The following ADARB1 variants were observed in gnomAD, a reference collection of about 807,000 sequenced individuals.
ADARB1 encodes the protein adenosine deaminase RNA specific B1.
Under a neutral mutation model 52.4 loss-of-function variants are expected in ADARB1, and 10 were observed. The ratio of observed to expected loss-of-function variants is 0.19; its 90% CI spans 0.12 to 0.32. The LOEUF (loss-of-function observed/expected upper bound fraction) is 0.32, where lower values mean the gene tolerates loss of function less well. Among genes scored for constraint, ADARB1 ranks in the 10% least tolerant of loss-of-function variants. The probability of loss-of-function intolerance (pLI) is 1.00; values close to 1 mark genes in which losing one functional copy is unlikely to be tolerated. For missense variants in ADARB1, 643 were observed against 922.3 expected, an observed-to-expected ratio of 0.70 and a Z score of 3.92; for synonymous variants, 349 against 371.1, an observed-to-expected ratio of 0.94 and a Z score of 0.68.
chr21:45,083,137 C>T (rs550820371), intron 1 of ADARB1, among the ~76,000 whole-genome samples: 1 of 152,350 alleles, frequency 6.6e-6, no homozygotes, highest in East Asian at 1.9e-4. Context: ...GGCTATTGCT[C>T]TGAATCTGTC....
At chr21:45,141,198 A>C (rs904189075) in intron 2 of ADARB1, among the ~76,000 whole-genome samples, 1 of 152,236 alleles carries the variant, frequency 6.6e-6, no homozygotes, top group African/African-American at 2.4e-5. Context: ...CCTGTCTCAA[A>C]AAAAAAAGTT....
chr21:45,126,332 T>C (rs2088576616), intron 1 of ADARB1, among the ~76,000 whole-genome samples: 1 of 152,150 alleles, frequency 6.6e-6, no homozygotes, highest in Admixed American at 6.5e-5. Flanking sequence ...ATGCAGCTTG[T>C]TAATTGTGTT....
At position 45,225,876 on chromosome 21, in the gene ADARB1, G is replaced by A. The variant is rs1048425493; in HGVS notation, c.*3679G>A. 2 of 283,074 alleles carry A rather than the reference G, an allele frequency of 7.1e-6. No individual in the cohort carries two copies. The highest frequency in any genetic ancestry group is 3.3e-4 in the South Asian group (2 of 5,996). The allele number at this position is 283,074 out of a possible 1,614,324, so 17.5% of individuals were successfully genotyped here. A position where few individuals can be genotyped will look rare whatever the true frequency, so the allele number is the denominator to read the frequency against. On this transcript the variant is annotated 3_prime_UTR_variant, in exon 11 of 11. Transcript: ENST00000348831. The stretch of plus-strand genomic sequence containing the variant: ...CAGTTTACAGCGTCTCTGCCCCCTA[G>A]CGTGTTTTGTGACAATCTCCCTGGG...
intron 2 of ADARB1, among the ~76,000 whole-genome samples, chr21:45,164,822 C>T (rs998359321): frequency 6.6e-6 from 1 of 152,068 alleles, no homozygotes; most frequent in African/African-American, 2.4e-5. Flanking sequence ...GTAACAGCAG[C>T]GCAGAAGCAG....
intron 2 of ADARB1, among the ~76,000 whole-genome samples, chr21:45,151,360 G>GT (rs2145949180): frequency 6.6e-6 from 1 of 152,354 alleles, no homozygotes; most frequent in East Asian, 1.9e-4. Context: ...TAGGTGCCAT[G>GT]TGCAGTTGTC....
chr21:45,152,907 A>G (rs1403643643), intron 2 of ADARB1, among the ~76,000 whole-genome samples: 1 of 152,218 alleles, frequency 6.6e-6, no homozygotes, highest in East Asian at 1.9e-4. Flanking sequence ...AGATTCAAAA[A>G]CATGTCTGTA....
rs912345003 is a variant in ADARB1 at position 45,204,875 on chromosome 21, G to T, written c.1747+139G>T. On this transcript the variant is annotated intron_variant, in intron 9 of 10. Coordinates refer to ENST00000348831, the MANE Select transcript of ADARB1 (RefSeq NM_001112.4). This position sits in a 1 kb window ranked among gnomAD's most constrained non-coding sequence, Gnocchi z 4.4. The stretch of plus-strand genomic sequence containing the variant: ...CAGAGTCCTTCTAAAGAGACCCAAG[G>T]TGATGTTTCTGAGGCTCTCCGGGCC... The T allele has an allele frequency of 8.5e-6, 8 of 939,306 alleles. No homozygotes were observed. In the East Asian group the frequency reaches 1.9e-4, roughly 22 times the overall value. The allele number at this position is 939,306 out of a possible 1,614,324, so 58.2% of individuals were successfully genotyped here.
chr21:45,113,497 A>ATGTGTGTG (rs35666010), intron 1 of ADARB1, among the ~76,000 whole-genome samples: 5 of 146,394 alleles, frequency 3.4e-5, no homozygotes, highest in African/African-American at 1.3e-4. Flanking sequence ...GTGTGTATAT[A>ATGTGTGTG]TGTGTGTGTG....
chr21:45,097,718 G>A (rs1192210072), intron 1 of ADARB1, among the ~76,000 whole-genome samples: 2 of 152,258 alleles, frequency 1.3e-5, no homozygotes, highest in East Asian at 1.9e-4. Context: ...GGGTAGACTA[G>A]CAGGTCTGTT....
chr21:45,191,144 A>G (rs73232680), intron 8 of ADARB1, among the ~76,000 whole-genome samples: 11,722 of 152,192 alleles, frequency 0.077, 622 homozygotes, highest in Non-Finnish European at 0.11. Context: ...CGTAGTCCAA[A>G]CACCATTGAT....
At chr21:45,207,337 C>A (rs2092685691) in intron 9 of ADARB1, among the ~76,000 whole-genome samples, 1 of 152,178 alleles carries the variant, frequency 6.6e-6, no homozygotes, top group Admixed American at 6.5e-5. Flanking sequence ...GGAGAAGACA[C>A]CTTTAGACGA....
chr21:45,226,251 G>A lies in ADARB1; in HGVS notation c.*4054G>A, dbSNP rs963989519. The A allele has an allele frequency of 1.3e-5, 2 of 152,524 alleles. No homozygotes were observed. Among genetic ancestry groups the A allele is most frequent in the Non-Finnish European group, 2.9e-5 (2 of 68,040 alleles). The allele number at this position is 152,524 out of a possible 1,614,324, so 9.4% of individuals were successfully genotyped here. ...ATGGGCCATTAAACATGAACTGAACGGTTAAAAGCACAGTCTATGGAACGC... is the reference window on the plus strand; with the variant it reads ...ATGGGCCATTAAACATGAACTGAACAGTTAAAAGCACAGTCTATGGAACGC... On this transcript the variant is annotated 3_prime_UTR_variant, in exon 11 of 11. Transcript: ENST00000348831.
intron 2 of ADARB1, among the ~76,000 whole-genome samples, chr21:45,164,321 C>T (rs2091143381): frequency 6.6e-6 from 1 of 152,140 alleles, no homozygotes; most frequent in Non-Finnish European, 1.5e-5. Flanking sequence ...AAGTTTGCCC[C>T]TGCGTTGGCA....
At chr21:45,198,653 T>C (rs940982921) in intron 8 of ADARB1, among the ~76,000 whole-genome samples, 2 of 152,182 alleles carry the variant, frequency 1.3e-5, no homozygotes, top group African/African-American at 4.8e-5. Context: ...CCCCATTTTA[T>C]GTAATATTTT....
chr21:45,180,448 A>G lies in ADARB1; in HGVS notation c.1078+4A>G. The G allele has an allele frequency of 6.2e-7, 1 of 1,609,056 alleles. No individual in the cohort carries two copies. On this transcript the variant is annotated splice_donor_region_variant and intron_variant, in intron 5 of 10. Coordinates refer to ENST00000348831, the MANE Select transcript of ADARB1 (RefSeq NM_001112.4). Reference sequence around the variant, plus strand: ...GCTGGAGTCGTCATGACAACAGGTAACCATCTTGGTGTTGTATGTAACCCT... The same window carrying G: ...GCTGGAGTCGTCATGACAACAGGTAGCCATCTTGGTGTTGTATGTAACCCT...
intron 8 of ADARB1, among the ~76,000 whole-genome samples, chr21:45,196,302 A>G (rs2092424346): frequency 6.6e-6 from 1 of 152,082 alleles, no homozygotes; most frequent in African/African-American, 2.4e-5. Context: ...TGCAGAAAAA[A>G]AAAAAGCAAA....
At chr21:45,145,251 A>G (rs2089949387) in intron 2 of ADARB1, 1 of 152,534 alleles carries the variant, frequency 6.6e-6, no homozygotes, top group African/African-American at 2.4e-5. Flanking sequence ...CGTTTCCTAG[A>G]CGGGGGGGCA....
intron 1 of ADARB1, among the ~76,000 whole-genome samples, chr21:45,105,833 G>C (rs541919522): frequency 1.3e-5 from 2 of 152,360 alleles, no homozygotes; most frequent in East Asian, 3.9e-4. Flanking sequence ...GTTCCAAGAA[G>C]CTCACCACTG....
chr21:45,187,196 G>A (rs1044692396), intron 8 of ADARB1, among the ~76,000 whole-genome samples: 15 of 152,114 alleles, frequency 9.9e-5, no homozygotes, highest in Non-Finnish European at 1.5e-5. Context: ...ATTTCTTTCA[G>A]CAGTGTTTTA....
Sources: gnomAD v4.1 joint callset for allele counts (sites outside exome capture counted in the v4.1 genomes callset) on GRCh38, gnomAD v4.1.1 for gene constraint, Gnocchi (gnomAD v3.1) non-coding constraint, MANE v1.5 for transcripts, NCBI Gene and HGNC (gene_info 2026-07-23, HGNC 2026-07-21) for gene names.